The following PCNA variants were observed in gnomAD, a reference collection of about 807,000 sequenced individuals.
PCNA encodes proliferating cell nuclear antigen.
PCNA carries 4 observed loss-of-function variants against 27.8 expected under a neutral mutation model. That is an observed-to-expected ratio of 0.14 (90% CI 0.07 to 0.33). PCNA has a LOEUF of 0.33. PCNA is among the 10% of genes least tolerant of loss of function. The probability of loss-of-function intolerance (pLI) is 1.00; values close to 1 mark genes in which losing one functional copy is unlikely to be tolerated. For synonymous variants in PCNA, 121 were observed against 119.4 expected, an observed-to-expected ratio of 1.01 and a Z score of -0.09; for missense variants, 165 against 327.4, an observed-to-expected ratio of 0.50 and a Z score of 3.83.
At chr20:5,125,513 A>C (rs1387087222) in intron 1 of PCNA, among the ~76,000 whole-genome samples, 2 of 152,338 alleles carry the variant, frequency 1.3e-5, no homozygotes, top group East Asian at 3.9e-4. Context: ...GAAAAATGTA[A>C]AATTATATTT....
At position 5,117,453 on chromosome 20, in the gene PCNA, A is replaced by T. The variant is rs781297093; in HGVS notation, c.582+17T>A. The T allele has an allele frequency of 6.4e-7, 1 of 1,565,300 alleles. No individual in the cohort carries two copies. Among genetic ancestry groups the T allele is most frequent in the Non-Finnish European group, 8.7e-7 (1 of 1,143,916 alleles). On this transcript the variant is annotated intron_variant, in intron 4 of 5. Transcript: ENST00000379143. ...ATTCTCTTCAAACTATTTTCTTTTTACTTAAAAACTACTTACAGCTTCCTC... is the reference window on the plus strand; with the variant it reads ...ATTCTCTTCAAACTATTTTCTTTTTTCTTAAAAACTACTTACAGCTTCCTC...
upstream of PCNA, among the ~76,000 whole-genome samples, chr20:5,124,606 A>T (rs1376974205): frequency 1.3e-5 from 2 of 151,738 alleles, no homozygotes; most frequent in Non-Finnish European, 2.9e-5. Context: ...CTCCAGCCTG[A>T]GCAACAAGAG....
At chr20:5,124,226 G>A (rs1474441473), upstream of PCNA, among the ~76,000 whole-genome samples, 1 of 152,198 alleles carries the variant, frequency 6.6e-6, no homozygotes, top group South Asian at 2.1e-4. Flanking sequence ...TGGAAACTTA[G>A]AAATGTGTAT....
In PCNA at chr20:5,119,835, G is replaced by A. The variant is rs918749607; in HGVS notation, c.-37C>T. On this transcript the variant is annotated 5_prime_UTR_variant, in exon 1 of 6. Transcript: ENST00000379143. The stretch of plus-strand genomic sequence containing the variant: ...GGCAACAACGCCGCTACAGGCAGGC[G>A]GGAAGGAGGAAAGTCTAGCTGGTTT... The A allele has an allele frequency of 1.7e-5, 25 of 1,499,140 alleles. No individual in the cohort carries two copies. Among genetic ancestry groups the A allele is most frequent in the Non-Finnish European group, 2.3e-5 (25 of 1,101,410 alleles). 92.9% of individuals were successfully genotyped at this position (1,499,140 alleles called of 1,614,324 possible).
At chr20:5,121,289 T>C (rs1264157337), upstream of PCNA, 1 of 152,144 alleles carries the variant, frequency 6.6e-6, no homozygotes. Context: ...TTGAGGGAAC[T>C]GAAGATTCAT....
At chr20:5,119,313 T>C (rs2090498687) in intron 1 of PCNA, among the ~76,000 whole-genome samples, 2 of 151,892 alleles carry the variant, frequency 1.3e-5, no homozygotes, top group African/African-American at 4.8e-5. Flanking sequence ...CCTGGAACAG[T>C]GTTCCTGGCA....
intron 1 of PCNA, 124 bp downstream of exon 1, chr20:5,119,454 G>C: frequency 1.3e-6 from 1 of 759,072 alleles, no homozygotes; most frequent in South Asian, 1.8e-5. Context: ...CCACTGCGTG[G>C]CAGGCCAATG....
rs117269362 is a variant in PCNA at position 5,125,060 on chromosome 20, C to T, written c.-117+1440G>A. 4.2e-3 allele frequency among the ~76,000 whole-genome samples: 640 copies of T among 152,262 alleles called. 11 individuals carry two copies. Among genetic ancestry groups the T allele is most frequent in the East Asian group, 0.041 (213 of 5,186 alleles). On this transcript the variant is annotated intron_variant, in intron 1 of 6. Transcript: ENST00000379160. ...ACCTGTCTTAGAAGATCATCTTGCT[C>T]GAGTGCTGTGGCTCATGCCTGTAAT...
upstream of PCNA, among the ~76,000 whole-genome samples, chr20:5,121,114 C>T (rs981141910): frequency 1.3e-5 from 2 of 152,180 alleles, no homozygotes; most frequent in Non-Finnish European, 2.9e-5. Flanking sequence ...TGAGCCACCA[C>T]GCCCAGCCAG....
chr20:5,115,385 A>C (rs763331660), intron 5 of PCNA, 23 bp from the exon 6 acceptor site: 1 of 1,613,626 alleles, frequency 6.2e-7, no homozygotes, highest in East Asian at 2.2e-5. Flanking sequence ...AAGATGGTTA[A>C]TTACTGAGGA....
chr20:5,126,347 C>G (rs1305372162), intron 1 of PCNA, among the ~76,000 whole-genome samples: 1 of 152,190 alleles, frequency 6.6e-6, no homozygotes, highest in Admixed American at 6.5e-5. Flanking sequence ...GCCTAGTATA[C>G]AATTAGTGCT....
chr20:5,119,982 C>T (rs749095490), upstream of PCNA: 7 of 602,458 alleles, frequency 1.2e-5, no homozygotes, highest in Non-Finnish European at 2.1e-5. Context: ...CAAGCGCGCG[C>T]TCTCACCCTG....
At chr20:5,120,180 A>C (rs2090509153), upstream of PCNA, among the ~76,000 whole-genome samples, 1 of 152,232 alleles carries the variant, frequency 6.6e-6, no homozygotes, top group African/African-American at 2.4e-5. Flanking sequence ...CCGCAGAACA[A>C]GTCCGGGCAT....
intron 4 of PCNA, among the ~76,000 whole-genome samples, chr20:5,117,059 G>A (rs1337697064): frequency 1.3e-5 from 2 of 152,154 alleles, no homozygotes; most frequent in African/African-American, 4.8e-5. Flanking sequence ...CAACATGTAA[G>A]CTAATATTAG....
chr20:5,124,639 A>C (rs557802627), upstream of PCNA, among the ~76,000 whole-genome samples: 7 of 152,066 alleles, frequency 4.6e-5, no homozygotes, highest in South Asian at 2.1e-4. Context: ...AAAAAAAAAA[A>C]CAAAAAACAA....
chr20:5,123,514 G>T (rs1456146177), upstream of PCNA, among the ~76,000 whole-genome samples: 1 of 152,048 alleles, frequency 6.6e-6, no homozygotes, highest in African/African-American at 2.4e-5. Flanking sequence ...GGCCAACATG[G>T]TGAAACCCCG....
In PCNA at chr20:5,115,531, T is replaced by G. The variant is rs1044094056; in HGVS notation, c.624A>C (p.Ala208=). Residue 208 remains alanine (A), a synonymous_variant, in exon 5 of 6, where the codon GCA becomes GCC. Coordinates refer to ENST00000379143, the MANE Select transcript of PCNA (RefSeq NM_182649.2). ...EMNEPVQLTF[A]LRYLNFFTKA... is the part of the protein sequence containing the mutation. ...TTGTAAAGAAGTTCAGGTACCTCAG[T>G]GCAAAAGTTAGTTGAACTGGTTCAT... 6.2e-7 allele frequency: 1 copy of G among 1,614,006 alleles called. No individual in the cohort carries two copies.
rs3730427 is a variant in PCNA at position 5,117,764 on chromosome 20, A to G, written c.388-100T>C. The G allele has an allele frequency of 1.3e-3, 841 of 642,096 alleles. 8 individuals are homozygous for G. Among genetic ancestry groups the G allele is most frequent in the African/African-American group, 0.013 (695 of 53,626 alleles). The allele number at this position is 642,096 out of a possible 1,614,324, so 39.8% of individuals were successfully genotyped here. A position where few individuals can be genotyped will look rare whatever the true frequency, so the allele number is the denominator to read the frequency against. On this transcript the variant is annotated intron_variant, in intron 3 of 5. Coordinates refer to ENST00000379143, the MANE Select transcript of PCNA (RefSeq NM_182649.2). ...GCAACACCTAAACAACTCAGAATCA[A>G]TATTTTCTGATTACTTTAAAATATG...
chr20:5,116,986 A>G (rs533926605), intron 4 of PCNA, among the ~76,000 whole-genome samples: 1 of 152,268 alleles, frequency 6.6e-6, no homozygotes, highest in Non-Finnish European at 1.5e-5. Flanking sequence ...CTTTGGCTAA[A>G]TTGTCACTTA....
Sources: gnomAD v4.1 joint callset for allele counts (sites outside exome capture counted in the v4.1 genomes callset) on GRCh38, gnomAD v4.1.1 for gene constraint, MANE v1.5 for transcripts, NCBI Gene and HGNC (gene_info 2026-07-23, HGNC 2026-07-21) for gene names.